The following TMC1 variants were observed in gnomAD, a reference collection of about 807,000 sequenced individuals.
TMC1 encodes the protein transmembrane channel like 1.
A neutral mutation model predicts 105.8 loss-of-function variants in TMC1; 84 were observed. That is an observed-to-expected ratio of 0.79 (90% CI 0.67 to 0.95). The LOEUF is 0.95. TMC1 is among the 40% of genes least tolerant of loss of function. The pLI is 0.00. For missense variants in TMC1, 817 were observed against 914.1 expected (o/e 0.89, Z 1.37); for synonymous variants, 315 against 311.5 (o/e 1.01, Z -0.12).
intron 3 of TMC1, among the ~76,000 whole-genome samples, chr9:72,624,115 T>A (rs188663778): frequency 2.0e-5 from 3 of 152,190 alleles, no homozygotes; most frequent in Admixed American, 6.5e-5. Flanking sequence ...GGTCTTGGCA[T>A]CAGATTCCGT....
At chr9:72,685,654 G>A (rs1384508640) in intron 5 of TMC1, among the ~76,000 whole-genome samples, 2 of 152,096 alleles carry the variant, frequency 1.3e-5, no homozygotes, top group Non-Finnish European at 2.9e-5. Flanking sequence ...GTGAGCCACT[G>A]CGCCTGGCCT....
intron 5 of TMC1, among the ~76,000 whole-genome samples, chr9:72,684,957 G>T (rs1389195370): frequency 6.6e-6 from 1 of 151,982 alleles, no homozygotes; most frequent in Non-Finnish European, 1.5e-5. Flanking sequence ...GTATGAGAAG[G>T]GCCAACATTG....
intron 8 of TMC1, among the ~76,000 whole-genome samples, chr9:72,716,403 G>GT (rs1242161856): frequency 1.3e-5 from 2 of 152,298 alleles, no homozygotes; most frequent in East Asian, 3.9e-4. Flanking sequence ...GAAGGTGGGG[G>GT]TTTTACCTAT....
At chr9:72,684,708 G>A (rs1044875312) in intron 5 of TMC1, among the ~76,000 whole-genome samples, 1 of 152,080 alleles carries the variant, frequency 6.6e-6, no homozygotes, top group East Asian at 1.9e-4. Flanking sequence ...AAATCCAACG[G>A]ATCTGATTAA....
intron 13 of TMC1, among the ~76,000 whole-genome samples, chr9:72,774,175 CAGT>C (rs1223640577): frequency 6.6e-6 from 1 of 152,066 alleles, no homozygotes; most frequent in Non-Finnish European, 1.5e-5. Context: ...AGTTGTACAT[CAGT>C]AGATTTGTAT....
intron 1 of TMC1, among the ~76,000 whole-genome samples, chr9:72,575,459 G>A (rs1051120334): frequency 3.9e-5 from 6 of 152,176 alleles, no homozygotes; most frequent in African/African-American, 1.4e-4. Flanking sequence ...GGGATTACAC[G>A]TGTGAGCCAC....
At chr9:72,710,904 G>A (rs114405326) in intron 8 of TMC1, among the ~76,000 whole-genome samples, 17,540 of 152,082 alleles carry the variant, frequency 0.12, 1,071 homozygotes, top group Non-Finnish European at 0.14. Context: ...CATCCACATT[G>A]GGTATTTCTC....
chr9:72,605,663 C>T (rs942670820), intron 2 of TMC1, among the ~76,000 whole-genome samples: 1 of 151,050 alleles, frequency 6.6e-6, no homozygotes, highest in African/African-American at 2.4e-5. Context: ...GCAGCCTCCA[C>T]CTCCCTGGCT....
intron 2 of TMC1, among the ~76,000 whole-genome samples, chr9:72,583,718 T>C (rs1824507940): frequency 6.6e-6 from 1 of 152,244 alleles, no homozygotes; most frequent in Non-Finnish European, 1.5e-5. Context: ...GCCCAAGTTT[T>C]ATGGCTATGT....
Position 72,816,089 on chromosome 9 carries a change from T to C in TMC1, c.1696-54T>C. On this transcript the variant is annotated intron_variant, in intron 18 of 23. Transcript: ENST00000297784. ...CCATGCCTATGCAGAACAATTTGCC[T>C]TTCAGTTTTGACCATGTGAGACGCT... 1.9e-6 allele frequency: 3 copies of C among 1,554,834 alleles called. No individual in the cohort carries two copies. The South Asian group carries it at 3.3e-5, about 17-fold the overall frequency.
intron 1 of TMC1, among the ~76,000 whole-genome samples, chr9:72,567,325 C>T (rs1824178583): frequency 6.6e-6 from 1 of 152,206 alleles, no homozygotes; most frequent in African/African-American, 2.4e-5. Context: ...ATCACTGTAA[C>T]TCCTTTCCCC....
intron 1 of TMC1, among the ~76,000 whole-genome samples, chr9:72,531,860 T>G (rs1224094762): frequency 6.6e-6 from 1 of 152,158 alleles, no homozygotes; most frequent in Non-Finnish European, 1.5e-5. Flanking sequence ...AATTCCCATT[T>G]TTTCCTGTAT....
intron 1 of TMC1, among the ~76,000 whole-genome samples, chr9:72,562,173 A>G (rs1824065934): frequency 6.6e-6 from 1 of 152,178 alleles, no homozygotes; most frequent in South Asian, 2.1e-4. Flanking sequence ...GTAAGTAGGA[A>G]TACTTCCTGC....
chr9:72,735,887 C>G (rs1294286112), intron 8 of TMC1, among the ~76,000 whole-genome samples: 1 of 152,162 alleles, frequency 6.6e-6, no homozygotes, highest in Non-Finnish European at 1.5e-5. Flanking sequence ...TTAAACCCAT[C>G]CCCAACATAT....
At chr9:72,772,617 A>G in intron 13 of TMC1, 62 bp downstream of exon 13, 1 of 1,601,314 alleles carries the variant, frequency 6.2e-7, no homozygotes, top group South Asian at 1.1e-5. Flanking sequence ...GGAGGGATTA[A>G]TTTGGGGATT....
intron 5 of TMC1, among the ~76,000 whole-genome samples, chr9:72,688,030 G>C (rs1826404788): frequency 6.6e-6 from 1 of 152,030 alleles, no homozygotes; most frequent in Non-Finnish European, 1.5e-5. Context: ...TTATAAAAAT[G>C]AAGCAAAGCT....
intron 20 of TMC1, among the ~76,000 whole-genome samples, chr9:72,824,234 G>A (rs11143397): frequency 0.019 from 2,934 of 152,326 alleles, 35 homozygotes; most frequent in Non-Finnish European, 0.028. Context: ...GCCCCAGAGG[G>A]GGTGTTACAA....
chr9:72,693,515 A>C (rs1377978896), intron 6 of TMC1, among the ~76,000 whole-genome samples: 1 of 152,200 alleles, frequency 6.6e-6, no homozygotes, highest in Non-Finnish European at 1.5e-5. Flanking sequence ...TATAATTTTC[A>C]AAGTTGTCAT....
intron 19 of TMC1, among the ~76,000 whole-genome samples, chr9:72,816,785 C>T (rs937781978): frequency 2.6e-5 from 4 of 152,080 alleles, no homozygotes; most frequent in Admixed American, 6.5e-5. Context: ...GAAGGGTTGT[C>T]ATATCTTTTA....
Sources: allele counts gnomAD v4.1 joint callset (sites outside exome capture counted in the v4.1 genomes callset), GRCh38; gene constraint gnomAD v4.1.1; transcripts MANE v1.5; gene names NCBI Gene and HGNC (gene_info 2026-07-23, HGNC 2026-07-21).